PLEKHM3: variants seen among roughly 807,000 people sequenced by gnomAD.
PLEKHM3 encodes the protein pleckstrin homology domain containing M3, also known as pleckstrin homology domain-containing family M member 3.
PLEKHM3 carries 45 observed loss-of-function variants against 81.8 expected under a neutral mutation model. That is an observed-to-expected ratio of 0.55 (90% CI 0.43 to 0.71). The LOEUF (loss-of-function observed/expected upper bound fraction) is 0.71. Among genes scored for constraint, PLEKHM3 ranks in the 30% least tolerant of loss-of-function variants. The pLI, the probability that PLEKHM3 is intolerant of heterozygous loss-of-function variation, is 0.00. For missense variants in PLEKHM3, 788 were observed against 924.3 expected, an observed-to-expected ratio of 0.85 and a Z score of 1.91; for synonymous variants, 352 against 356.4, an observed-to-expected ratio of 0.99 and a Z score of 0.14.
At chr2:208,022,223 T>G (rs1351884341) in intron 1 of PLEKHM3, among the ~76,000 whole-genome samples, 1 of 152,228 alleles carries the variant, frequency 6.6e-6, no homozygotes, top group Non-Finnish European at 1.5e-5. Flanking sequence ...TTATGTTAAT[T>G]TGAGATTTGG....
At chr2:207,879,823 T>G (rs905144082) in intron 6 of PLEKHM3, among the ~76,000 whole-genome samples, 2 of 152,170 alleles carry the variant, frequency 1.3e-5, no homozygotes, top group African/African-American at 4.8e-5. Context: ...GAAAAGCATT[T>G]TATTATTGGA....
intron 3 of PLEKHM3, among the ~76,000 whole-genome samples, chr2:207,973,854 A>T (rs1691209770): frequency 6.6e-6 from 1 of 152,234 alleles, no homozygotes; most frequent in African/African-American, 2.4e-5. Context: ...GAGGGAAGAA[A>T]GGGCATATAA....
chr2:207,857,947 C>T (rs1045571442), intron 7 of PLEKHM3, among the ~76,000 whole-genome samples: 4 of 151,084 alleles, frequency 2.6e-5, no homozygotes, highest in African/African-American at 9.7e-5. Flanking sequence ...TTCTTCTTTT[C>T]TGATACAGGT....
At chr2:207,967,717 C>T (rs1690966833) in intron 3 of PLEKHM3, among the ~76,000 whole-genome samples, 1 of 152,156 alleles carries the variant, frequency 6.6e-6, no homozygotes, top group Admixed American at 6.5e-5. Context: ...TAACAGCTAG[C>T]CTCATATGAC....
At chr2:207,983,320 G>A (rs1691606047) in intron 2 of PLEKHM3, among the ~76,000 whole-genome samples, 1 of 152,124 alleles carries the variant, frequency 6.6e-6, no homozygotes, top group Non-Finnish European at 1.5e-5. Context: ...CAAAGTGCTG[G>A]GATTACAGGC....
Position 208,001,379 on chromosome 2 carries a change from A to G in PLEKHM3, c.261T>C (p.Asn87=). ...KSRLLETKAQ[N]VFPAKEQFMV... ...TAAACTGTTCTTTGGCAGGGAAGACATTTTGAGCTTTGGTTTCTAAGAGCC... is the reference window on the plus strand; with the variant it reads ...TAAACTGTTCTTTGGCAGGGAAGACGTTTTGAGCTTTGGTTTCTAAGAGCC... The change falls in exon 2 of 8, where the codon AAT becomes AAC. Residue 87 remains asparagine, a synonymous_variant. Coordinates refer to ENST00000427836, the MANE Select transcript of PLEKHM3 (RefSeq NM_001080475.3). 1.2e-6 allele frequency: 2 copies of G among 1,614,168 alleles called. No individual in the cohort carries two copies. The highest frequency in any genetic ancestry group is 1.7e-6 in the Non-Finnish European group (2 of 1,180,024).
At chr2:208,002,440 A>G (rs1160504954) in intron 1 of PLEKHM3, among the ~76,000 whole-genome samples, 1 of 152,154 alleles carries the variant, frequency 6.6e-6, no homozygotes, top group Non-Finnish European at 1.5e-5. Context: ...TTTAAATCCA[A>G]ATGTGACTGT....
chr2:207,828,874 G>C (rs948208453), intron 7 of PLEKHM3, among the ~76,000 whole-genome samples: 2 of 152,086 alleles, frequency 1.3e-5, no homozygotes, highest in Non-Finnish European at 2.9e-5. Context: ...GAAAACGCTC[G>C]GCACACCAGT....
At chr2:208,011,785 CTTTTTTTTTTTTTTT>C (rs1177948830) in intron 1 of PLEKHM3, among the ~76,000 whole-genome samples, 2 of 79,992 alleles carry the variant, frequency 2.5e-5, no homozygotes, top group Non-Finnish European at 4.6e-5. Context: ...CTCTGATAAA[CTTTTTTTTTTTTTTT>C]TTTTTTTTTT....
chr2:208,018,499 G>A (rs886988924), intron 1 of PLEKHM3, among the ~76,000 whole-genome samples: 1 of 151,192 alleles, frequency 6.6e-6, no homozygotes, highest in African/African-American at 2.4e-5. Context: ...ATTCACCATA[G>A]AGTAAAGGAC....
chr2:207,927,718 T>C (rs1333069710), intron 5 of PLEKHM3, among the ~76,000 whole-genome samples: 23 of 139,576 alleles, frequency 1.6e-4, no homozygotes, highest in East Asian at 1.1e-3. Flanking sequence ...TAATCCCAGC[T>C]ACCCAGGAGG....
At position 208,001,077 on chromosome 2, in the gene PLEKHM3, A is replaced by G. The variant is rs1354816496; in HGVS notation, c.563T>C (p.Phe188Ser). ...TATCTTATTTGGTGAGGGCAACAGA[A>G]AAGATGGCCTGGTGACATGCGGGCC... ...LQGPHVTRPS[F>S]LLPSPNKIED... The change falls in exon 2 of 8, where the codon TTT (phenylalanine) becomes TCT (serine). Residue 188 changes from phenylalanine to serine, a missense_variant. Physicochemically the swap from Phe to Ser is radical, Grantham distance 155. Coordinates refer to ENST00000427836, the MANE Select transcript of PLEKHM3 (RefSeq NM_001080475.3). The G allele has an allele frequency of 6.4e-7, 1 of 1,567,480 alleles. No individual in the cohort carries two copies. The highest frequency in any genetic ancestry group is 8.7e-7 in the Non-Finnish European group (1 of 1,155,874).
At chr2:208,015,738 C>G (rs1159206245) in intron 1 of PLEKHM3, among the ~76,000 whole-genome samples, 1 of 152,134 alleles carries the variant, frequency 6.6e-6, no homozygotes. Context: ...TGTTTCCCTG[C>G]AACATCATTT....
Position 207,976,817 on chromosome 2 carries a change from ACTC to A in PLEKHM3, c.1377_1379del (p.Arg459del). On this transcript the variant is annotated inframe_deletion, in exon 3 of 8. Transcript: ENST00000427836. The surrounding 1 kb of genome is among the most constrained non-coding windows in gnomAD (Gnocchi z 4.1). The stretch of plus-strand genomic sequence containing the variant: ...GTGTGACTTGCAGGTTTTGCTCTGA[ACTC>A]CTCGCCACATTGGCAGCTATCTTCA... The A allele has an allele frequency of 6.2e-7, 1 of 1,613,540 alleles. No homozygotes were observed. Among genetic ancestry groups the A allele is most frequent in the Non-Finnish European group, 8.5e-7 (1 of 1,179,874 alleles).
intron 6 of PLEKHM3, among the ~76,000 whole-genome samples, chr2:207,905,941 AG>A (rs996978638): frequency 1.3e-5 from 2 of 152,182 alleles, no homozygotes; most frequent in African/African-American, 2.4e-5. Context: ...AAAAAAGAAA[AG>A]GGGGTGGAGA....
intron 6 of PLEKHM3, among the ~76,000 whole-genome samples, chr2:207,885,622 G>A (rs1687862487): frequency 6.6e-6 from 1 of 152,124 alleles, no homozygotes; most frequent in African/African-American, 2.4e-5. Flanking sequence ...AAAAACCAAT[G>A]ACTGTTTAGG....
chr2:207,828,298 T>A lies in PLEKHM3; in HGVS notation c.*21A>T. On this transcript the variant is annotated 3_prime_UTR_variant, in exon 8 of 8. Coordinates refer to ENST00000427836, the MANE Select transcript of PLEKHM3 (RefSeq NM_001080475.3). ...GATGGATTGTTGATTGGTGAATCCCTGGCCTTCGGGTCGGCTGGAGTCAGG... is the reference window on the plus strand; with the variant it reads ...GATGGATTGTTGATTGGTGAATCCCAGGCCTTCGGGTCGGCTGGAGTCAGG... 6.3e-7 allele frequency: 1 copy of A among 1,599,348 alleles called. No homozygotes were observed. Among genetic ancestry groups the A allele is most frequent in the Non-Finnish European group, 8.5e-7 (1 of 1,171,540 alleles).
At chr2:207,863,955 C>T (rs1392979707) in intron 6 of PLEKHM3, among the ~76,000 whole-genome samples, 3 of 150,800 alleles carry the variant, frequency 2.0e-5, no homozygotes, top group Non-Finnish European at 3.0e-5. Flanking sequence ...CAACTATATA[C>T]AAAGTTTATA....
At chr2:207,872,400 T>C (rs1444271058) in intron 6 of PLEKHM3, among the ~76,000 whole-genome samples, 2 of 152,214 alleles carry the variant, frequency 1.3e-5, no homozygotes, top group Non-Finnish European at 2.9e-5. Flanking sequence ...AGTTCTTGTA[T>C]AAAAATTCTT....
Sources: allele counts gnomAD v4.1 joint callset (sites outside exome capture counted in the v4.1 genomes callset), GRCh38; gene constraint gnomAD v4.1.1; non-coding constraint Gnocchi (gnomAD v3.1); transcripts MANE v1.5; gene names NCBI Gene and HGNC (gene_info 2026-07-23, HGNC 2026-07-21).